Variants in TRPM8 observed in about 807,000 individuals in gnomAD.
TRPM8 encodes transient receptor potential cation channel subfamily M member 8, also known as TRPM8 cationic channel.
TRPM8 carries 110 observed loss-of-function variants against 133.7 expected under a neutral mutation model. That is an observed-to-expected ratio of 0.82 (90% CI 0.70 to 0.96). The LOEUF (loss-of-function observed/expected upper bound fraction) is 0.96, where lower values mean the gene tolerates loss of function less well. Ranked by LOEUF, TRPM8 falls within the 40% of genes least tolerant of loss-of-function variation. TRPM8 has a pLI of 0.00. For missense variants in TRPM8, 1,291 were observed against 1,379.5 expected (o/e 0.94, Z 1.02); for synonymous variants, 535 against 532.3 (o/e 1.01, Z -0.07).
At chr2:233,996,808 G>A (rs1655109511) in intron 22 of TRPM8, among the ~76,000 whole-genome samples, 1 of 152,182 alleles carries the variant, frequency 6.6e-6, no homozygotes, top group Admixed American at 6.5e-5. Context: ...GAATTCATGG[G>A]ATAGTGTCCA....
chr2:233,953,708 A>C (rs897108421), intron 9 of TRPM8: 15 of 421,522 alleles, frequency 3.6e-5, no homozygotes, highest in Non-Finnish European at 6.0e-5. Flanking sequence ...TGAGGCTCTC[A>C]GCTTTTTGAT....
intron 17 of TRPM8, among the ~76,000 whole-genome samples, chr2:233,979,689 G>A (rs1282512336): frequency 6.6e-6 from 1 of 152,226 alleles, no homozygotes; most frequent in Non-Finnish European, 1.5e-5. Flanking sequence ...CCTCACAGAA[G>A]TTATATACAG....
chr2:233,960,685 A>T (rs924887892), intron 11 of TRPM8, 91 bp from the exon 12 acceptor site: 1 of 956,970 alleles, frequency 1.0e-6, no homozygotes, highest in African/African-American at 1.6e-5. Context: ...GTGGCTGGAA[A>T]TACAGTGCTA....
chr2:233,988,180 C>T (rs901907670), intron 21 of TRPM8, among the ~76,000 whole-genome samples: 5 of 152,254 alleles, frequency 3.3e-5, no homozygotes, highest in Admixed American at 3.3e-4. Flanking sequence ...CCCATATGCT[C>T]CTCTTTAAAC....
At chr2:233,992,742 A>T (rs1202361189) in intron 21 of TRPM8, among the ~76,000 whole-genome samples, 2 of 152,172 alleles carry the variant, frequency 1.3e-5, no homozygotes, top group African/African-American at 2.4e-5. Flanking sequence ...ACAACACCAG[A>T]TGGCCACTGG....
At chr2:233,948,350 AC>A (rs1691093476) in intron 8 of TRPM8, among the ~76,000 whole-genome samples, 1 of 152,214 alleles carries the variant, frequency 6.6e-6, no homozygotes, top group South Asian at 2.1e-4. Flanking sequence ...GTGTATTAAA[AC>A]CTTTTTATGC....
At chr2:233,963,442 T>C in intron 13 of TRPM8, 65 bp downstream of exon 13, 1 of 992,652 alleles carries the variant, frequency 1.0e-6, no homozygotes, top group Non-Finnish European at 1.5e-6. Flanking sequence ...GTTCTGATCC[T>C]CTCAAAATTC....
chr2:233,929,368 G>A (rs1299825068), intron 2 of TRPM8, among the ~76,000 whole-genome samples: 5 of 152,330 alleles, frequency 3.3e-5, no homozygotes, highest in African/African-American at 7.2e-5. Flanking sequence ...GGACTTGCAG[G>A]GGCAGAAGGT....
intron 20 of TRPM8, among the ~76,000 whole-genome samples, chr2:233,983,666 G>A (rs1198846521): frequency 2.0e-5 from 3 of 152,214 alleles, no homozygotes; most frequent in African/African-American, 7.2e-5. Context: ...GGTTTTTGGA[G>A]GCAGGCTGAT....
intron 11 of TRPM8, among the ~76,000 whole-genome samples, chr2:233,956,239 G>A (rs749718984): frequency 2.0e-4 from 31 of 152,152 alleles, no homozygotes; most frequent in Non-Finnish European, 4.1e-4. Context: ...AAAAAGATTG[G>A]TGACTGCTGT....
In TRPM8 at chr2:233,999,045, G is replaced by A. The variant is rs940948486; in HGVS notation, c.3130+2529G>A. Among the ~76,000 whole-genome samples, 7 of 151,138 alleles carry A rather than the reference G, an allele frequency of 4.6e-5. No homozygotes were observed. The South Asian group carries it at 1.2e-3, about 27-fold the overall frequency. On this transcript the variant is annotated intron_variant, in intron 22 of 25. Coordinates refer to ENST00000324695, the MANE Select transcript of TRPM8 (RefSeq NM_024080.5). ...AAAAAATAAAGGAGGGTCATTTTACGTCTCTAAGTGGATCAGTTATATATA... is the reference window on the plus strand; with the variant it reads ...AAAAAATAAAGGAGGGTCATTTTACATCTCTAAGTGGATCAGTTATATATA...
rs757042527 is a variant in TRPM8 at position 233,939,101 on chromosome 2, G to A, written c.452G>A (p.Gly151Asp). 2.6e-5 allele frequency: 42 copies of A among 1,614,078 alleles called. 3 individuals are homozygous for A. The South Asian group carries it at 4.3e-4, about 16-fold the overall frequency. ...AACCTGGTCATTTCTGTGACCGGGG[G>A]CGCCAAGAACTTCGCCCTGAAGCCG... ...TPNLVISVTG[G>D]AKNFALKPRM... Residue 151 changes from glycine (G) to aspartate (D), a missense_variant, in exon 5 of 26, where the codon GGC becomes GAC. Gly to Asp is a moderately conservative substitution (Grantham distance 94). Transcript: ENST00000324695.
rs560862830 is a variant in TRPM8 at position 233,957,757 on chromosome 2, G to A, written c.1362+2507G>A. 4.6e-5 allele frequency among the ~76,000 whole-genome samples: 7 copies of A among 152,258 alleles called. 1 individual carries two copies. The South Asian group carries it at 6.2e-4, about 14-fold the overall frequency. On this transcript the variant is annotated intron_variant, in intron 11 of 25. Coordinates refer to ENST00000324695, the MANE Select transcript of TRPM8 (RefSeq NM_024080.5). The stretch of plus-strand genomic sequence containing the variant: ...ATCTCTTCCCGATTCCATATTTAGT[G>A]ATGTCACATTGGTAGCTGAAACTTG...
chr2:233,954,057 TG>T, intron 10 of TRPM8, 38 bp downstream of exon 10: 1 of 1,427,578 alleles, frequency 7.0e-7, no homozygotes, highest in Non-Finnish European at 9.6e-7. Flanking sequence ...GTCAGCTTTG[TG>T]TTGCCTTCTG....
intron 24 of TRPM8, 26 bp downstream of exon 24, chr2:234,008,129 T>A: frequency 8.8e-7 from 1 of 1,142,206 alleles, no homozygotes; most frequent in Non-Finnish European, 1.2e-6. Context: ...TAGTTTGGAT[T>A]TTTTTTTTTT....
chr2:233,929,406 T>G (rs1348617306), intron 2 of TRPM8, among the ~76,000 whole-genome samples: 1 of 152,208 alleles, frequency 6.6e-6, no homozygotes, highest in Non-Finnish European at 1.5e-5. Flanking sequence ...CATTGTGAAC[T>G]TCATTCCAGG....
intron 9 of TRPM8, among the ~76,000 whole-genome samples, chr2:233,950,475 G>C (rs1691148282): frequency 6.6e-6 from 1 of 152,238 alleles, no homozygotes; most frequent in African/African-American, 2.4e-5. Flanking sequence ...GACAAAAAGA[G>C]ATAAACATAT....
intron 17 of TRPM8, among the ~76,000 whole-genome samples, chr2:233,975,671 A>G (rs1691852883): frequency 6.6e-6 from 1 of 152,228 alleles, no homozygotes. Context: ...ACCTGAGCTC[A>G]GGAGTTCGAG....
Position 233,961,041 on chromosome 2 carries a change from G to C in TRPM8, c.1628G>C (p.Arg543Pro), listed in dbSNP as rs201047162. Reference sequence around the variant, plus strand: ...TTCCGGAAGGAAGACAGAAATGGCCGGGACGAGATGGACATAGAACTCCAC... The same window carrying C: ...TTCCGGAAGGAAGACAGAAATGGCCCGGACGAGATGGACATAGAACTCCAC... ...RGFRKEDRNGRDEMDIELHDV... is the reference protein window; with the variant it reads ...RGFRKEDRNGPDEMDIELHDV... The change falls in exon 12 of 26, where the codon CGG becomes CCG. Residue 543 changes from arginine (R) to proline (P), a missense_variant. Around this residue, in one of 2 missense-constraint regions of TRPM8, gnomAD observed 963 missense variants for 968.9 expected, o/e 0.99. Coordinates refer to ENST00000324695, the MANE Select transcript of TRPM8 (RefSeq NM_024080.5). 1.2e-6 allele frequency: 2 copies of C among 1,614,050 alleles called. No individual in the cohort carries two copies. Among genetic ancestry groups the C allele is most frequent in the South Asian group, 1.1e-5 (1 of 91,066 alleles).
Sources: allele counts gnomAD v4.1 joint callset (sites outside exome capture counted in the v4.1 genomes callset), GRCh38; gene constraint gnomAD v4.1.1; regional missense constraint gnomAD v4.1.1; transcripts MANE v1.5; gene names NCBI Gene and HGNC (gene_info 2026-07-23, HGNC 2026-07-21).